TBC1D19: variants seen among roughly 807,000 people sequenced by gnomAD.
The protein encoded by TBC1D19 is TBC1 domain family, member 19.
A neutral mutation model predicts 89.0 loss-of-function variants in TBC1D19; 60 were observed. That is an observed-to-expected ratio of 0.67 (90% CI 0.55 to 0.84). The LOEUF (loss-of-function observed/expected upper bound fraction) is 0.84, where lower values mean the gene tolerates loss of function less well. TBC1D19 is among the 40% of genes least tolerant of loss of function. The probability of loss-of-function intolerance (pLI) is 0.00; values close to 1 mark genes in which losing one functional copy is unlikely to be tolerated. For missense variants in TBC1D19, 500 were observed against 610.8 expected (o/e 0.82, Z 1.91); for synonymous variants, 189 against 199.7 (o/e 0.95, Z 0.45).
At chr4:26,715,307 G>A (rs1197884376) in intron 13 of TBC1D19, among the ~76,000 whole-genome samples, 2 of 151,882 alleles carry the variant, frequency 1.3e-5, no homozygotes, top group African/African-American at 4.8e-5. Flanking sequence ...ACTTCCACAT[G>A]TTACTCTCCT....
intron 7 of TBC1D19, among the ~76,000 whole-genome samples, chr4:26,640,745 G>T: frequency 6.6e-6 from 1 of 152,212 alleles, no homozygotes; most frequent in South Asian, 2.1e-4. Flanking sequence ...CGGCACACCA[G>T]GAGGTTATAT....
rs114815822 is a variant in TBC1D19, at chr4:26,629,630, T to A, written c.295-7581T>A. Among the ~76,000 whole-genome samples the A allele has an allele frequency of 3.3e-5, 5 of 152,052 alleles. 1 individual carries two copies. The highest frequency in any genetic ancestry group is 2.6e-4 in the Admixed American group (4 of 15,216). On this transcript the variant is annotated intron_variant, in intron 4 of 20. Transcript: ENST00000264866. The stretch of plus-strand genomic sequence containing the variant: ...AAAGAATCAGAAACACAGAAACTTA[T>A]GTTCGTAATAATAGTAAAAAATTTA...
intron 10 of TBC1D19, 113 bp downstream of exon 10, chr4:26,672,300 A>T: frequency 1.2e-6 from 1 of 819,528 alleles, no homozygotes; most frequent in Non-Finnish European, 1.7e-6. Flanking sequence ...TGAAAAACCT[A>T]AAGAGGGGTA....
intron 15 of TBC1D19, among the ~76,000 whole-genome samples, chr4:26,733,684 G>A (rs1717799290): frequency 1.3e-5 from 2 of 152,194 alleles, no homozygotes; most frequent in African/African-American, 4.8e-5. Context: ...AAATTTTTCA[G>A]TTTTGTAGAA....
downstream of TBC1D19, among the ~76,000 whole-genome samples, chr4:26,760,783 A>G (rs1195990068): frequency 2.6e-5 from 4 of 152,144 alleles, no homozygotes; most frequent in African/African-American, 7.2e-5. Flanking sequence ...CTTCCTCTCC[A>G]AGAAATCTTT....
intron 9 of TBC1D19, among the ~76,000 whole-genome samples, chr4:26,671,064 G>A (rs1027288108): frequency 5.3e-5 from 8 of 151,334 alleles, no homozygotes; most frequent in Non-Finnish European, 8.9e-5. Flanking sequence ...AACTGAGAGT[G>A]GATTGCTAAT....
chr4:26,781,634 G>A, the TBC1D19 span, among the ~76,000 whole-genome samples: 1 of 152,190 alleles, frequency 6.6e-6, no homozygotes, highest in Non-Finnish European at 1.5e-5. Flanking sequence ...TTTAAGTCCT[G>A]AGGATAATGG....
chr4:26,711,871 C>T (rs1716217454), intron 13 of TBC1D19, among the ~76,000 whole-genome samples: 2 of 152,042 alleles, frequency 1.3e-5, no homozygotes, highest in East Asian at 1.9e-4. Context: ...TAAGAGTTGG[C>T]AGCTCTTTGC....
chr4:26,754,428 T>A (rs1256237975), intron 20 of TBC1D19, among the ~76,000 whole-genome samples: 1 of 152,220 alleles, frequency 6.6e-6, no homozygotes, highest in Non-Finnish European at 1.5e-5. Flanking sequence ...TATAAATTTT[T>A]CCTTAAAATA....
intron 13 of TBC1D19, among the ~76,000 whole-genome samples, chr4:26,702,614 T>C (rs1377529485): frequency 6.6e-6 from 1 of 152,220 alleles, no homozygotes; most frequent in African/African-American, 2.4e-5. Context: ...GTATTGTTTT[T>C]AGATTTTACA....
At chr4:26,730,520 C>T (rs1717592663) in intron 15 of TBC1D19, among the ~76,000 whole-genome samples, 2 of 152,276 alleles carry the variant, frequency 1.3e-5, no homozygotes, top group Admixed American at 1.3e-4. Flanking sequence ...CGAATAGAGG[C>T]CCACCTACCA....
chr4:26,678,825 T>C (rs1229133278), intron 11 of TBC1D19, among the ~76,000 whole-genome samples: 1 of 152,164 alleles, frequency 6.6e-6, no homozygotes, highest in Non-Finnish European at 1.5e-5. Context: ...ATCATCTTTT[T>C]TAGGAAACAA....
intron 11 of TBC1D19, among the ~76,000 whole-genome samples, chr4:26,677,590 C>CT (rs1275105887): frequency 6.6e-6 from 1 of 152,126 alleles, no homozygotes; most frequent in East Asian, 1.9e-4. Flanking sequence ...CAATACCCTG[C>CT]TTTTTTAAAC....
chr4:26,730,486 T>G (rs1331239537), intron 15 of TBC1D19, among the ~76,000 whole-genome samples: 1 of 152,190 alleles, frequency 6.6e-6, no homozygotes, highest in Non-Finnish European at 1.5e-5. Flanking sequence ...CTCTCCAACC[T>G]TTGCAGGGCC....
chr4:26,666,046 A>G (rs184310009), intron 8 of TBC1D19, among the ~76,000 whole-genome samples: 1 of 151,972 alleles, frequency 6.6e-6, no homozygotes, highest in Non-Finnish European at 1.5e-5. Context: ...TTCCCATTAT[A>G]TATTTATATT....
chr4:26,635,495 T>C (rs1034904787), intron 4 of TBC1D19, among the ~76,000 whole-genome samples: 1 of 152,178 alleles, frequency 6.6e-6, no homozygotes, highest in Non-Finnish European at 1.5e-5. Flanking sequence ...TTTCATGTAA[T>C]GTATTGAGTA....
the TBC1D19 span, among the ~76,000 whole-genome samples, chr4:26,764,867 A>T: frequency 6.6e-6 from 1 of 152,206 alleles, no homozygotes; most frequent in Non-Finnish European, 1.5e-5. Context: ...TAATATTGGT[A>T]GTCAGAATGT....
At chr4:26,803,434 A>G in the TBC1D19 span, among the ~76,000 whole-genome samples, 501 of 152,324 alleles carry the variant, frequency 3.3e-3, 1 homozygote, top group African/African-American at 0.011. Context: ...ATTCCCAGAT[A>G]AATATAACTA....
intron 6 of TBC1D19, among the ~76,000 whole-genome samples, chr4:26,639,391 A>C (rs942978355): frequency 1.3e-5 from 2 of 152,080 alleles, no homozygotes; most frequent in Non-Finnish European, 2.9e-5. Flanking sequence ...AGCCTTTAAA[A>C]ACATTTTTAT....
Sources: gnomAD v4.1 joint callset for allele counts (sites outside exome capture counted in the v4.1 genomes callset) on GRCh38, gnomAD v4.1.1 for gene constraint, MANE v1.5 for transcripts, NCBI Gene and HGNC (gene_info 2026-07-23, HGNC 2026-07-21) for gene names.